ARMH1: variants seen among roughly 807,000 people sequenced by gnomAD.
ARMH1 encodes armadillo-like helical domain containing protein 1.
ARMH1 carries 34 observed loss-of-function variants against 50.2 expected under a neutral mutation model. The observed-to-expected ratio is 0.68, with a 90% CI of 0.51 to 0.90. The LOEUF (loss-of-function observed/expected upper bound fraction) is 0.90, where lower values mean the gene tolerates loss of function less well. Among genes scored for constraint, ARMH1 ranks in the 40% least tolerant of loss-of-function variants. The pLI is 0.00. For synonymous variants in ARMH1, 221 were observed against 224.2 expected, an observed-to-expected ratio of 0.99 and a Z score of 0.13; for missense variants, 538 against 553.9, an observed-to-expected ratio of 0.97 and a Z score of 0.29.
chr1:44,701,403 T>A (rs1020070998), intron 5 of ARMH1, among the ~76,000 whole-genome samples: 1 of 152,050 alleles, frequency 6.6e-6, no homozygotes, highest in African/African-American at 2.4e-5. Flanking sequence ...TAGAAAAGAT[T>A]AAAGGAGTCG....
intron 2 of ARMH1, 25 bp from the exon 3 acceptor site, chr1:44,697,077 A>G (rs1187292233): frequency 6.5e-7 from 1 of 1,541,958 alleles, no homozygotes; most frequent in African/African-American, 1.4e-5. Flanking sequence ...CCACCCTGAA[A>G]CTCACTCTTT....
At position 44,709,139 on chromosome 1, in the gene ARMH1, G is replaced by C. The variant is rs564577189; in HGVS notation, c.724+4966G>C. Among the ~76,000 whole-genome samples the C allele has an allele frequency of 2.0e-5, 3 of 152,146 alleles. No homozygotes were observed. In the South Asian group the frequency reaches 6.2e-4, roughly 32 times the overall value. On this transcript the variant is annotated intron_variant, in intron 6 of 11. Transcript: ENST00000535358. ...TGACCTCCCAGCTGCTTTCGACCCA[G>C]TTGATCACTCCCTCACTTTCTTTTG...
intron 1 of ARMH1, among the ~76,000 whole-genome samples, chr1:44,675,988 T>C (rs1462891029): frequency 1.2e-4 from 18 of 152,012 alleles, no homozygotes; most frequent in Non-Finnish European, 1.5e-5. Flanking sequence ...GTGCAGGAAC[T>C]GGATTGAGGA....
At chr1:44,721,187 G>A (rs1647099516) in intron 6 of ARMH1, among the ~76,000 whole-genome samples, 1 of 152,096 alleles carries the variant, frequency 6.6e-6, no homozygotes, top group Non-Finnish European at 1.5e-5. Context: ...AAGTAAGCCG[G>A]CCCTCAGGTG....
chr1:44,709,609 T>C (rs530063438), intron 6 of ARMH1, among the ~76,000 whole-genome samples: 1 of 151,300 alleles, frequency 6.6e-6, no homozygotes, highest in South Asian at 2.1e-4. Context: ...GAGGTGGAGG[T>C]TGCAGTGAGC....
intron 6 of ARMH1, chr1:44,721,750 C>G (rs549938575): frequency 3.3e-5 from 5 of 152,174 alleles, no homozygotes; most frequent in Non-Finnish European, 4.4e-5. Flanking sequence ...CATGAAACAC[C>G]CCACCCACAC....
Position 44,681,107 on chromosome 1 carries a change from G to T in ARMH1, c.-23+6234G>T, listed in dbSNP as rs1395108886. Among the ~76,000 whole-genome samples, 1 of 150,566 alleles carries T rather than the reference G, an allele frequency of 6.6e-6. No individual in the cohort carries two copies. The highest frequency in any genetic ancestry group is 6.6e-5 in the Admixed American group (1 of 15,042). Reference sequence around the variant, plus strand: ...CCTCCCGGGTTCACGCCATTCTCCTGCCTCAGCCTCCCGAGTAGCTGGGAC... The same window carrying T: ...CCTCCCGGGTTCACGCCATTCTCCTTCCTCAGCCTCCCGAGTAGCTGGGAC... On this transcript the variant is annotated intron_variant, in intron 1 of 11. Transcript: ENST00000535358. This position sits in a 1 kb window ranked among gnomAD's most constrained non-coding sequence, Gnocchi z 4.3.
rs147787823 is a variant in ARMH1 at position 44,709,542 on chromosome 1, T to C, written c.724+5369T>C. On this transcript the variant is annotated intron_variant, in intron 6 of 11. Coordinates refer to ENST00000535358, the MANE Select transcript of ARMH1 (RefSeq NM_001145636.2). ...AAAAAATTAGCCGGGCGTAGTGGCA[T>C]GCGCCTGTAGTCCCACCTACACGGG... is the stretch of plus-strand genomic sequence containing the variant. Among the ~76,000 whole-genome samples the C allele has an allele frequency of 8.7e-3, 1,317 of 151,854 alleles. 12 individuals carry two copies. The highest frequency in any genetic ancestry group is 0.014 in the Middle Eastern group (4 of 292).
At chr1:44,687,166 T>C (rs907023524) in intron 1 of ARMH1, among the ~76,000 whole-genome samples, 1 of 152,116 alleles carries the variant, frequency 6.6e-6, no homozygotes, top group African/African-American at 2.4e-5. Context: ...TGTCACAGGG[T>C]TGATTTCCTC....
In ARMH1 at chr1:44,702,432, G is replaced by A. The variant is rs555546037; in HGVS notation, c.639+1313G>A. On this transcript the variant is annotated intron_variant, in intron 5 of 11. Coordinates refer to ENST00000535358, the MANE Select transcript of ARMH1 (RefSeq NM_001145636.2). ...CCTCTTCAAAAAAGGGCAATGACAG[G>A]GCCGGGCGCAGTGGCTTACTCCTGT... Among the ~76,000 whole-genome samples, 6 of 152,094 alleles carry A rather than the reference G, an allele frequency of 3.9e-5. No individual in the cohort carries two copies. In the East Asian group the frequency reaches 7.7e-4, roughly 20 times the overall value.
intron 2 of ARMH1, among the ~76,000 whole-genome samples, 183 bp from the exon 3 acceptor site, chr1:44,696,919 C>T (rs1367300821): frequency 1.3e-5 from 2 of 152,116 alleles, no homozygotes; most frequent in African/African-American, 4.8e-5. Context: ...CAGCCAGCAC[C>T]CTCTTCCCCC....
chr1:44,718,055 GT>G (rs1407972338), intron 6 of ARMH1, among the ~76,000 whole-genome samples: 1 of 152,222 alleles, frequency 6.6e-6, no homozygotes, highest in Non-Finnish European at 1.5e-5. Context: ...AAGCATTTAG[GT>G]AAAGTGAATA....
intron 6 of ARMH1, among the ~76,000 whole-genome samples, chr1:44,712,352 G>A (rs1646648750): frequency 6.6e-6 from 1 of 152,018 alleles, no homozygotes; most frequent in Non-Finnish European, 1.5e-5. Flanking sequence ...CAGCTACTTG[G>A]GAGGTTGAGG....
At chr1:44,693,963 C>G (rs1557526945) in intron 2 of ARMH1, among the ~76,000 whole-genome samples, 1 of 152,170 alleles carries the variant, frequency 6.6e-6, no homozygotes, top group Admixed American at 6.6e-5. Context: ...GTTGCTATTG[C>G]AGGATCTCTC....
At chr1:44,705,208 A>G (rs1646287025) in intron 6 of ARMH1, among the ~76,000 whole-genome samples, 1 of 151,892 alleles carries the variant, frequency 6.6e-6, no homozygotes, top group Admixed American at 6.6e-5. Flanking sequence ...TAACCATAAG[A>G]GGCCAGGCAT....
At chr1:44,697,006 C>G (rs1033767706) in intron 2 of ARMH1, 96 bp from the exon 3 acceptor site, 16 of 882,288 alleles carry the variant, frequency 1.8e-5, no homozygotes, top group Non-Finnish European at 2.7e-5. Context: ...AGCTACTTGG[C>G]CACCCTGGGC....
intron 1 of ARMH1, chr1:44,689,323 A>C (rs1173814366): frequency 4.5e-6 from 1 of 220,936 alleles, no homozygotes; most frequent in Non-Finnish European, 9.1e-6. Flanking sequence ...TGGGCCTTCC[A>C]AAGTGCTGGA....
intron 6 of ARMH1, among the ~76,000 whole-genome samples, chr1:44,720,130 G>A (rs1252958363): frequency 6.7e-6 from 1 of 149,468 alleles, no homozygotes; most frequent in Admixed American, 6.8e-5. Flanking sequence ...CCATGAGGCA[G>A]AGGTTGCAGT....
intron 6 of ARMH1, among the ~76,000 whole-genome samples, chr1:44,710,917 CATAT>C (rs1203804562): frequency 1.3e-5 from 2 of 152,182 alleles, no homozygotes; most frequent in Non-Finnish European, 1.5e-5. Context: ...TTACCTATTC[CATAT>C]ATTTCACATA....
Sources: gnomAD v4.1 joint callset for allele counts (sites outside exome capture counted in the v4.1 genomes callset) on GRCh38, gnomAD v4.1.1 for gene constraint, Gnocchi (gnomAD v3.1) non-coding constraint, MANE v1.5 for transcripts, NCBI Gene and HGNC (gene_info 2026-07-23, HGNC 2026-07-21) for gene names.